The following MTHFD2L variants were observed in gnomAD, a reference collection of about 807,000 sequenced individuals.
MTHFD2L encodes bifunctional methylenetetrahydrofolate dehydrogenase/cyclohydrolase 2, mitochondrial.
Under a neutral mutation model 34.9 loss-of-function variants are expected in MTHFD2L, and 29 were observed. The observed-to-expected ratio is 0.83, with a 90% CI of 0.62 to 1.13. MTHFD2L has a LOEUF of 1.13. MTHFD2L is among the 50% of genes most tolerant of loss of function. The pLI is 0.00. For synonymous variants in MTHFD2L, 167 were observed against 155.7 expected (o/e 1.07, Z -0.54); for missense variants, 481 against 446.5 (o/e 1.08, Z -0.70).
intron 1 of MTHFD2L, among the ~76,000 whole-genome samples, chr4:74,165,946 T>C (rs552827324): frequency 7.1e-6 from 1 of 141,630 alleles, no homozygotes; most frequent in Admixed American, 6.7e-5. Context: ...TGTATGATTT[T>C]AAAAATAGTT....
At chr4:74,265,596 C>T (rs181447686) in intron 6 of MTHFD2L, among the ~76,000 whole-genome samples, 2 of 152,272 alleles carry the variant, frequency 1.3e-5, no homozygotes, top group East Asian at 1.9e-4. Context: ...ATTACATGGA[C>T]ACTTGTCCAA....
Position 74,174,503 on chromosome 4 carries a change from C to A in MTHFD2L, c.144-3C>A. 6.8e-7 allele frequency: 1 copy of A among 1,467,418 alleles called. No individual in the cohort carries two copies. The highest frequency in any genetic ancestry group is 2.6e-5 in the East Asian group (1 of 38,766). 90.9% of individuals were successfully genotyped at this position (1,467,418 alleles called of 1,614,324 possible). ...TTAGTATTTATTGTTTTGCTTTCCA[C>A]AGACATGAAGCCATTATTATATCAG... On this transcript the variant is annotated splice_polypyrimidine_tract_variant and splice_region_variant and intron_variant, in intron 1 of 7. Transcript: ENST00000325278.
At chr4:74,170,985 G>C (rs554205863) in intron 1 of MTHFD2L, among the ~76,000 whole-genome samples, 46 of 123,622 alleles carry the variant, frequency 3.7e-4, no homozygotes, top group South Asian at 3.5e-4. Context: ...TTGTGGGGTG[G>C]GGGGAGGGGG....
chr4:74,253,497 A>G (rs1743594249), intron 6 of MTHFD2L, among the ~76,000 whole-genome samples: 1 of 152,180 alleles, frequency 6.6e-6, no homozygotes, highest in Admixed American at 6.5e-5. Flanking sequence ...ACATTTTTAC[A>G]TTTCCCACTT....
intron 6 of MTHFD2L, among the ~76,000 whole-genome samples, chr4:74,239,489 T>TA (rs199913313): frequency 0.28 from 41,323 of 147,748 alleles, 6,092 homozygotes; most frequent in African/African-American, 0.38. Flanking sequence ...AAGTATAATT[T>TA]TAAAAAAAAA....
At chr4:74,282,202 CT>C (rs1306375916) in intron 7 of MTHFD2L, among the ~76,000 whole-genome samples, 2 of 152,104 alleles carry the variant, frequency 1.3e-5, no homozygotes, top group Non-Finnish European at 2.9e-5. Flanking sequence ...ACCCTCTAAT[CT>C]GATTTTACTT....
intron 1 of MTHFD2L, chr4:74,159,985 T>C: frequency 3.7e-6 from 4 of 1,081,546 alleles, no homozygotes; most frequent in South Asian, 3.3e-5. Flanking sequence ...ACCTGTGGAC[T>C]GGTGGGTCTC....
At chr4:74,255,495 T>C (rs1743912969) in intron 6 of MTHFD2L, among the ~76,000 whole-genome samples, 1 of 152,176 alleles carries the variant, frequency 6.6e-6, no homozygotes, top group African/African-American at 2.4e-5. Flanking sequence ...CTTTTTTAAA[T>C]AATTTTAACT....
At chr4:74,282,133 C>A (rs1459168757) in intron 7 of MTHFD2L, among the ~76,000 whole-genome samples, 2 of 151,964 alleles carry the variant, frequency 1.3e-5, no homozygotes, top group Non-Finnish European at 2.9e-5. Context: ...AAAAAAAATT[C>A]TAACCCAGTC....
chr4:74,267,901 G>A lies in MTHFD2L; in HGVS notation c.806-13524G>A, dbSNP rs889564451. On this transcript the variant is annotated intron_variant, in intron 6 of 7. Coordinates refer to ENST00000325278, the MANE Select transcript of MTHFD2L (RefSeq NM_001144978.3). ...CCTAGACGATCCAATATGGCACAGA[G>A]CAGAGCCCTACTGGCCCTGAGCTCT... 6 of 985,194 alleles carry A rather than the reference G, an allele frequency of 6.1e-6. No homozygotes were observed. In the African/African-American group the frequency reaches 1.0e-4, roughly 17 times the overall value. 61.0% of individuals were successfully genotyped at this position (985,194 alleles called of 1,614,324 possible).
chr4:74,270,208 T>C (rs1387474449), intron 6 of MTHFD2L, among the ~76,000 whole-genome samples: 1 of 152,108 alleles, frequency 6.6e-6, no homozygotes, highest in East Asian at 1.9e-4. Flanking sequence ...CTAGAGTACA[T>C]GTGCACAACA....
chr4:74,258,913 AT>A (rs777473762), intron 6 of MTHFD2L, among the ~76,000 whole-genome samples: 15 of 152,160 alleles, frequency 9.9e-5, no homozygotes, highest in Non-Finnish European at 2.2e-4. Context: ...AGTAAAAAAA[AT>A]AAATAAATAA....
In MTHFD2L at chr4:74,199,776, A is replaced by G; in HGVS notation, c.452-18A>G. On this transcript the variant is annotated intron_variant, in intron 3 of 7. Transcript: ENST00000325278. ...AAATAACAATTTTAAAATTAGACAA[A>G]TTTTATTTATTTTTCAGACCACGTT... 1 of 1,575,248 alleles carries G rather than the reference A, an allele frequency of 6.3e-7. No individual in the cohort carries two copies.
At chr4:74,179,447 G>T (rs1288317553) in intron 3 of MTHFD2L, among the ~76,000 whole-genome samples, 1 of 151,998 alleles carries the variant, frequency 6.6e-6, no homozygotes, top group Non-Finnish European at 1.5e-5. Flanking sequence ...TGGGATTAAA[G>T]ACATATTAAA....
chr4:74,245,989 AC>A (rs1191215082), intron 6 of MTHFD2L, among the ~76,000 whole-genome samples: 1 of 148,326 alleles, frequency 6.7e-6, no homozygotes, highest in African/African-American at 2.5e-5. Context: ...TTGGGTATAT[AC>A]CCAGTAATGG....
chr4:74,216,003 T>C (rs949533497), intron 5 of MTHFD2L, among the ~76,000 whole-genome samples: 2 of 151,786 alleles, frequency 1.3e-5, no homozygotes, highest in African/African-American at 4.9e-5. Flanking sequence ...ATGAATTGTC[T>C]TTAAGATTAA....
At chr4:74,173,382 ATCT>A (rs1728398640) in intron 1 of MTHFD2L, among the ~76,000 whole-genome samples, 1 of 152,246 alleles carries the variant, frequency 6.6e-6, no homozygotes, top group Admixed American at 6.5e-5. Context: ...CCAGGAAGTA[ATCT>A]TCTGTGGAAA....
At chr4:74,272,151 AT>A (rs1377826464) in intron 6 of MTHFD2L, among the ~76,000 whole-genome samples, 1 of 152,162 alleles carries the variant, frequency 6.6e-6, no homozygotes, top group Non-Finnish European at 1.5e-5. Context: ...ATCCTAAGGG[AT>A]TTTAAGAAAG....
At chr4:74,148,075 T>C (rs1029528424) in intron 1 of MTHFD2L, among the ~76,000 whole-genome samples, 1 of 152,158 alleles carries the variant, frequency 6.6e-6, no homozygotes, top group African/African-American at 2.4e-5. Context: ...TTCGTTCTTT[T>C]GGTTATGGAT....
Sources: allele counts gnomAD v4.1 joint callset (sites outside exome capture counted in the v4.1 genomes callset), GRCh38; gene constraint gnomAD v4.1.1; transcripts MANE v1.5; gene names NCBI Gene and HGNC (gene_info 2026-07-23, HGNC 2026-07-21).